The following AMER3 variants were observed in gnomAD, a reference collection of about 807,000 sequenced individuals.
AMER3 encodes APC membrane recruitment protein 3, also known as family with sequence similarity 123C.
For synonymous variants in AMER3, 541 were observed against 485.5 expected, an observed-to-expected ratio of 1.11 and a Z score of -1.50; for missense variants, 1,201 against 1,139.4, an observed-to-expected ratio of 1.05 and a Z score of -0.78.
Position 130,764,777 on chromosome 2 carries a change from G to C in AMER3, c.*119G>C. ...GGGACTGTGTTGGGGGTGGGGGGTG[G>C]CAGGACTCAGGCATGCAGAGGGTAG... On this transcript the variant is annotated 3_prime_UTR_variant, in exon 2 of 2. Transcript: ENST00000321420. 14 of 1,225,190 alleles carry C rather than the reference G, an allele frequency of 1.1e-5. No individual in the cohort carries two copies. Among genetic ancestry groups the C allele is most frequent in the Non-Finnish European group, 1.6e-5 (14 of 895,186 alleles). The allele number at this position is 1,225,190 out of a possible 1,614,324, so 75.9% of individuals were successfully genotyped here. A position where few individuals can be genotyped will look rare whatever the true frequency, so the allele number is the denominator to read the frequency against.
Position 130,764,107 on chromosome 2 carries a change from C to T in AMER3, c.2035C>T (p.Arg679Cys), listed in dbSNP as rs772888970. Residue 679 changes from arginine (R) to cysteine (C), a missense_variant, in exon 2 of 2, where the codon CGT (arginine) becomes TGT (cysteine). Coordinates refer to ENST00000321420, the MANE Select transcript of AMER3 (RefSeq NM_152698.3). ...GCCCATGCTGGCAGGCTGTGTGGCC[C>T]GTGTGGCAGCCCTGAAGATCAGCTC... ...AEPMLAGCVA[R>C]VAALKISSNE... is the part of the protein sequence containing the mutation. 7.4e-6 allele frequency: 12 copies of T among 1,611,506 alleles called. No homozygotes were observed. In the South Asian group the frequency reaches 9.9e-5, roughly 13 times the overall value.
At chr2:130,755,964 G>A (rs1227830479) in intron 1 of AMER3, 1 of 152,342 alleles carries the variant, frequency 6.6e-6, no homozygotes, top group Non-Finnish European at 1.5e-5. Context: ...ACGGGGGCGA[G>A]GGGAGACGAC....
chr2:130,764,242 A>G lies in AMER3; in HGVS notation c.2170A>G (p.Ser724Gly), dbSNP rs1167166403. ...PDMLEQKQSS[S>G]SPSMTTIHGL... ...CATGCTGGAGCAGAAACAGTCCAGCAGCTCCCCCAGCATGACCACCATCCA... is the reference window on the plus strand; with the variant it reads ...CATGCTGGAGCAGAAACAGTCCAGCGGCTCCCCCAGCATGACCACCATCCA... The change falls in exon 2 of 2, where the codon AGC (serine) becomes GGC (glycine). Residue 724 changes from serine to glycine, a missense_variant. Ser to Gly is a moderately conservative substitution (Grantham distance 56). Coordinates refer to ENST00000321420, the MANE Select transcript of AMER3 (RefSeq NM_152698.3). The G allele has an allele frequency of 6.2e-7, 1 of 1,610,218 alleles. No individual in the cohort carries two copies. Among genetic ancestry groups the G allele is most frequent in the Non-Finnish European group, 8.5e-7 (1 of 1,178,300 alleles).
rs774887626 is a variant in AMER3 at position 130,763,401 on chromosome 2, C to T, written c.1329C>T (p.Cys443=). 47 of 1,612,908 alleles carry T rather than the reference C, an allele frequency of 2.9e-5. No individual in the cohort carries two copies. Among genetic ancestry groups the T allele is most frequent in the Middle Eastern group, 1.6e-4 (1 of 6,084 alleles). ...PLGPSPDDDL[C]VSESLSGPAL... ...GCCCCAGCCCAGATGATGACCTGTG[C>T]GTGTCTGAGAGTCTGTCAGGGCCGG... Residue 443 remains cysteine (C), a synonymous_variant, in exon 2 of 2, where the codon TGC becomes TGT. Coordinates refer to ENST00000321420, the MANE Select transcript of AMER3 (RefSeq NM_152698.3).
At chr2:130,758,869 C>T (rs915526219) in intron 1 of AMER3, among the ~76,000 whole-genome samples, 2 of 152,232 alleles carry the variant, frequency 1.3e-5, no homozygotes, top group African/African-American at 4.8e-5. Flanking sequence ...AACTGAGAAC[C>T]TGGACACATT....
rs373041378 is a variant in AMER3 at position 130,762,705 on chromosome 2, C to T, written c.633C>T (p.Asp211=). 1.4e-5 allele frequency: 23 copies of T among 1,611,450 alleles called. No homozygotes were observed. The highest frequency in any genetic ancestry group is 1.6e-4 in the Middle Eastern group (1 of 6,082). ...CCCCGGGTGAGGGGCCGGGGCTGGACGGCCTGTGCCAGGACCTGTTGGACA... is the reference window on the plus strand; with the variant it reads ...CCCCGGGTGAGGGGCCGGGGCTGGATGGCCTGTGCCAGGACCTGTTGGACA... The part of the protein sequence containing the change: ...FLPPGEGPGL[D]GLCQDLLDSE... The change falls in exon 2 of 2, where the codon GAC becomes GAT. Residue 211 remains aspartate (D), a synonymous_variant. Transcript: ENST00000321420.
rs543793010 is a variant in AMER3 at position 130,764,276 on chromosome 2, C to T, written c.2204C>T (p.Pro735Leu). Residue 735 changes from proline (P) to leucine (L), a missense_variant, in exon 2 of 2, where the codon CCC becomes CTC. Physicochemically the swap from Pro to Leu is moderately conservative, Grantham distance 98. Coordinates refer to ENST00000321420, the MANE Select transcript of AMER3 (RefSeq NM_152698.3). ...AGCATGACCACCATCCATGGCCTAC[C>T]CTACTCAGCCAGCACACAGGACCAG... is the stretch of plus-strand genomic sequence containing the variant. ...SPSMTTIHGL[P>L]YSASTQDQRC... 6.2e-6 allele frequency: 10 copies of T among 1,609,312 alleles called. No individual in the cohort carries two copies. The African/African-American group carries it at 1.3e-4, about 21-fold the overall frequency.
At chr2:130,760,136 A>C (rs959787604) in intron 1 of AMER3, among the ~76,000 whole-genome samples, 22 of 152,350 alleles carry the variant, frequency 1.4e-4, no homozygotes, top group African/African-American at 5.3e-4. Context: ...CCCTCTGTCC[A>C]GGGTGCCACT....
intron 1 of AMER3, among the ~76,000 whole-genome samples, chr2:130,761,658 G>C (rs1190306181): frequency 6.6e-6 from 1 of 152,224 alleles, no homozygotes; most frequent in Non-Finnish European, 1.5e-5. Context: ...TGATGAAGGA[G>C]GCCACTGCCC....
At chr2:130,756,576 C>G (rs1046850988) in intron 1 of AMER3, among the ~76,000 whole-genome samples, 1 of 152,104 alleles carries the variant, frequency 6.6e-6, no homozygotes, top group African/African-American at 2.4e-5. Context: ...CCTTTTAGGT[C>G]TGGGCTAGGG....
chr2:130,763,725 C>G lies in AMER3; in HGVS notation c.1653C>G (p.Ala551=), dbSNP rs373011055. Residue 551 remains alanine, a synonymous_variant, in exon 2 of 2, where the codon GCC becomes GCG. Transcript: ENST00000321420. The part of the protein sequence containing the change: ...TEKLGGREGL[A]SDAGGATVCS... ...AGCTGGGGGGCAGGGAGGGCCTGGC[C>G]TCAGATGCAGGGGGGGCGACAGTTT... 7 of 1,574,882 alleles carry G rather than the reference C, an allele frequency of 4.4e-6. No individual in the cohort carries two copies. The highest frequency in any genetic ancestry group is 2.7e-5 in the African/African-American group (2 of 73,612).
intron 1 of AMER3, among the ~76,000 whole-genome samples, chr2:130,761,184 C>G (rs943365351): frequency 6.6e-6 from 1 of 152,264 alleles, no homozygotes; most frequent in Non-Finnish European, 1.5e-5. Context: ...TAGCTCCCCA[C>G]TGATCTCAGT....
rs1194868484 is a variant in AMER3 at position 130,763,003 on chromosome 2, G to A, written c.931G>A (p.Asp311Asn). The A allele has an allele frequency of 1.2e-6, 2 of 1,613,302 alleles. No homozygotes were observed. The highest frequency in any genetic ancestry group is 1.3e-5 in the African/African-American group (1 of 75,006). ...AGCCTCTGACTTCACCAGGTTCTGG[G>A]ACAGTGTGAATCGCTCAGTGCGTCA... is the stretch of plus-strand genomic sequence containing the variant. ...NEASDFTRFW[D>N]SVNRSVRQQQ... is the part of the protein sequence containing the mutation. Residue 311 changes from aspartate to asparagine, a missense_variant, in exon 2 of 2, where the codon GAC becomes AAC. By Grantham distance (23) the Asp-to-Asn change is conservative. Coordinates refer to ENST00000321420, the MANE Select transcript of AMER3 (RefSeq NM_152698.3).
rs1353290958 is a variant in AMER3, at chr2:130,762,843, G to C, written c.771G>C (p.Glu257Asp). The C allele has an allele frequency of 6.2e-7, 1 of 1,613,502 alleles. No homozygotes were observed. Among genetic ancestry groups the C allele is most frequent in the Admixed American group, 1.7e-5 (1 of 60,034 alleles). ...GTTGTGGGGAGGTGTTCGCAGATGA[G>C]AGCTCGGTGCCATCTCTGGAGCTGA... ...LTGCGEVFAD[E>D]SSVPSLELNE... Residue 257 changes from glutamate to aspartate, a missense_variant, in exon 2 of 2, where the codon GAG (glutamate) becomes GAC (aspartate). Transcript: ENST00000321420.
In AMER3 at chr2:130,763,186, C is replaced by A. The variant is rs1389263422; in HGVS notation, c.1114C>A (p.Pro372Thr). The A allele has an allele frequency of 6.2e-7, 1 of 1,613,728 alleles. No homozygotes were observed. The highest frequency in any genetic ancestry group is 8.5e-7 in the Non-Finnish European group (1 of 1,180,022). The change falls in exon 2 of 2, where the codon CCC (proline) becomes ACC (threonine). Residue 372 changes from proline to threonine, a missense_variant. Pro to Thr is a conservative substitution (Grantham distance 38). Transcript: ENST00000321420. ...AGCCAGCTCCATCGACACAGGCACC[C>A]CCAAGAGCGAGCAGCCCGAATCCGT... ...SKASSIDTGT[P>T]KSEQPESVST...
intron 1 of AMER3, among the ~76,000 whole-genome samples, chr2:130,756,918 G>T (rs555378016): frequency 2.7e-5 from 4 of 149,212 alleles, no homozygotes; most frequent in Non-Finnish European, 4.4e-5. Flanking sequence ...TTGCCCCATA[G>T]CTCTACCGCC....
chr2:130,764,210 G>A lies in AMER3; in HGVS notation c.2138G>A (p.Gly713Asp). Residue 713 changes from glycine (G) to aspartate (D), a missense_variant, in exon 2 of 2, where the codon GGC becomes GAC. Coordinates refer to ENST00000321420, the MANE Select transcript of AMER3 (RefSeq NM_152698.3). ...CTCTTTGGGCAGCGCTGGGCCAGGG[G>A]CCCTGACATGCTGGAGCAGAAACAG... ...SGLFGQRWAR[G>D]PDMLEQKQSS... The A allele has an allele frequency of 6.2e-7, 1 of 1,609,272 alleles. No individual in the cohort carries two copies. Among genetic ancestry groups the A allele is most frequent in the Non-Finnish European group, 8.5e-7 (1 of 1,177,764 alleles).
chr2:130,761,934 G>A, intron 1 of AMER3, 120 bp from the exon 2 acceptor site: 1 of 975,370 alleles, frequency 1.0e-6, no homozygotes, highest in Non-Finnish European at 1.5e-6. Flanking sequence ...CCTGCAAGGA[G>A]GATCTCCTGG....
At chr2:130,757,058 T>C (rs1197474620) in intron 1 of AMER3, among the ~76,000 whole-genome samples, 1 of 152,140 alleles carries the variant, frequency 6.6e-6, no homozygotes, top group Non-Finnish European at 1.5e-5. Context: ...CCAAACGTTT[T>C]TTTGTCTCAA....
Sources: allele counts gnomAD v4.1 joint callset (sites outside exome capture counted in the v4.1 genomes callset), GRCh38; gene constraint gnomAD v4.1.1; transcripts MANE v1.5; gene names NCBI Gene and HGNC (gene_info 2026-07-23, HGNC 2026-07-21).